The following KIAA0319L variants were observed in gnomAD, a reference collection of about 807,000 sequenced individuals.
The protein encoded by KIAA0319L is KIAA0319 like.
A neutral mutation model predicts 120.1 loss-of-function variants in KIAA0319L; 55 were observed. The ratio of observed to expected loss-of-function variants is 0.46; its 90% CI spans 0.37 to 0.57. The LOEUF is 0.57. Among genes scored for constraint, KIAA0319L ranks in the 20% least tolerant of loss-of-function variants. The pLI is 0.00. For synonymous variants in KIAA0319L, 398 were observed against 471.9 expected (o/e 0.84, Z 2.03); for missense variants, 1,049 against 1,255.3 (o/e 0.84, Z 2.48).
At chr1:35,502,809 C>T (rs560650173) in intron 3 of KIAA0319L, among the ~76,000 whole-genome samples, 44 of 152,288 alleles carry the variant, frequency 2.9e-4, no homozygotes, top group African/African-American at 1.0e-3. Flanking sequence ...CTTTCTCATA[C>T]TATCTCTCAT....
chr1:35,449,950 T>C lies in KIAA0319L; in HGVS notation c.2270A>G (p.Glu757Gly), dbSNP rs527801691. 1.2e-6 allele frequency: 2 copies of C among 1,614,192 alleles called. No homozygotes were observed. Among genetic ancestry groups the C allele is most frequent in the South Asian group, 2.2e-5 (2 of 91,086 alleles). Residue 757 changes from glutamate (E) to glycine (G), a missense_variant, in exon 15 of 21, where the codon GAG (glutamate) becomes GGG (glycine). Physicochemically the swap from Glu to Gly is moderately conservative, Grantham distance 98. Transcript: ENST00000325722. The stretch of plus-strand genomic sequence containing the variant: ...TTTCAGGTGAAAAGTGTAGGTTCCC[T>C]CAACCAGGTTTGAAAGAAAAAGGAT... ...HPILFLSNLVEGTYTFHLKVT... is the reference protein window; with the variant it reads ...HPILFLSNLVGGTYTFHLKVT...
In KIAA0319L at chr1:35,526,410, T is replaced by TATAC. The variant is rs1491411192; in HGVS notation, c.143-19276_143-19275insGTAT. Among the ~76,000 whole-genome samples the TATAC allele has an allele frequency of 4.8e-4, 66 of 137,504 alleles. 3 individuals carry two copies. The highest frequency in any genetic ancestry group is 2.0e-3 in the East Asian group (9 of 4,510). 90.2% of individuals were successfully genotyped at this position (137,504 alleles called of 152,430 possible). On this transcript the variant is annotated intron_variant, in intron 2 of 20. Coordinates refer to ENST00000325722, the MANE Select transcript of KIAA0319L (RefSeq NM_024874.5). ...ATACATATATATATATATATATATA[T>TATAC]ACACACATACATATATATATGTATA... is the stretch of plus-strand genomic sequence containing the variant.
At chr1:35,441,212 A>G in intron 19 of KIAA0319L, 74 bp from the exon 20 acceptor site, 4 of 1,332,718 alleles carry the variant, frequency 3.0e-6, no homozygotes, top group Non-Finnish European at 4.3e-6. Flanking sequence ...CCAGATGTGC[A>G]TGCAGGGCCC....
At chr1:35,540,903 G>A (rs963898221) in intron 2 of KIAA0319L, among the ~76,000 whole-genome samples, 11 of 152,200 alleles carry the variant, frequency 7.2e-5, no homozygotes, top group Middle Eastern at 6.8e-3. Flanking sequence ...AGCTTCATGA[G>A]GGCAGAAACC....
At chr1:35,528,223 G>C (rs1646229941) in intron 2 of KIAA0319L, among the ~76,000 whole-genome samples, 1 of 152,174 alleles carries the variant, frequency 6.6e-6, no homozygotes, top group South Asian at 2.1e-4. Flanking sequence ...GAGTAGTTAG[G>C]ACTACAGGCA....
In KIAA0319L at chr1:35,451,676, CATCTTT is replaced by C. The variant is rs1642074155; in HGVS notation, c.2008_2013del (p.Lys670_Asp671del). On this transcript the variant is annotated inframe_deletion, in exon 13 of 21. Transcript: ENST00000325722. ...GAGCTCTGGCTTTGCAGGTTCCTCT[CATCTTT>C]GACAGTCAAGGTGAACACATAGGTC... 6.2e-7 allele frequency: 1 copy of C among 1,614,050 alleles called. No homozygotes were observed. Among genetic ancestry groups the C allele is most frequent in the Non-Finnish European group, 8.5e-7 (1 of 1,180,036 alleles).
rs1177572805 is a variant in KIAA0319L, at chr1:35,442,238, C to T, written c.2870+8G>A. ...CCCGAATGAATTTCAAAGGAAAATC[C>T]ATCTTACCTCTTACAACAACAGATC... On this transcript the variant is annotated splice_region_variant and intron_variant, in intron 19 of 20. Transcript: ENST00000325722. 6.2e-7 allele frequency: 1 copy of T among 1,601,226 alleles called. No homozygotes were observed. The highest frequency in any genetic ancestry group is 2.2e-5 in the East Asian group (1 of 44,788).
rs1642429408 is a variant in KIAA0319L, at chr1:35,456,068, G to A, written c.1601C>T (p.Thr534Ile). 6.2e-7 allele frequency: 1 copy of A among 1,614,060 alleles called. No homozygotes were observed. ...GNQSTDDHGI[T>I]SYEWSLSPSS... is the part of the protein sequence containing the mutation. ...TGGGCTGAGTGACCACTCATAGCTG[G>A]TGATGCCATGATCATCAGTGCTCTG... Residue 534 changes from threonine (T) to isoleucine (I), a missense_variant, in exon 10 of 21, where the codon ACC becomes ATC. Transcript: ENST00000325722.
chr1:35,526,372 CATATATATATACATACATATAT>C (rs1257523288), intron 2 of KIAA0319L, among the ~76,000 whole-genome samples: 2 of 128,232 alleles, frequency 1.6e-5, no homozygotes, highest in African/African-American at 6.3e-5. Context: ...TATATACATA[CATATATATATACATACATATAT>C]ATATATATAT....
chr1:35,456,251 C>A lies in KIAA0319L; in HGVS notation c.1428-10G>T, dbSNP rs756712000. On this transcript the variant is annotated splice_polypyrimidine_tract_variant and intron_variant, in intron 9 of 20. Transcript: ENST00000325722. ...GTCTACTACAGTCAAGCTATCAGGGCAGAGAGAGGAGTGTGATCAGGGACG... is the reference window on the plus strand; with the variant it reads ...GTCTACTACAGTCAAGCTATCAGGGAAGAGAGAGGAGTGTGATCAGGGACG... 6.6e-7 allele frequency: 1 copy of A among 1,516,006 alleles called. No homozygotes were observed. The highest frequency in any genetic ancestry group is 8.9e-7 in the Non-Finnish European group (1 of 1,117,340). The allele number at this position is 1,516,006 out of a possible 1,614,324, so 93.9% of individuals were successfully genotyped here.
At chr1:35,472,943 C>T (rs1214554153) in intron 5 of KIAA0319L, among the ~76,000 whole-genome samples, 1 of 151,322 alleles carries the variant, frequency 6.6e-6, no homozygotes, top group South Asian at 2.1e-4. Context: ...CGCCCACCAT[C>T]ACGCCTGGCT....
At chr1:35,522,108 G>A (rs1645944677) in intron 2 of KIAA0319L, among the ~76,000 whole-genome samples, 1 of 152,162 alleles carries the variant, frequency 6.6e-6, no homozygotes, top group African/African-American at 2.4e-5. Context: ...AAGGTTCAGA[G>A]CAGTATGTAT....
Position 35,554,493 on chromosome 1 carries a change from G to A in KIAA0319L, c.-2C>T. On this transcript the variant is annotated 5_prime_UTR_variant, in exon 2 of 21. Transcript: ENST00000325722. The stretch of plus-strand genomic sequence containing the variant: ...CTTGACTCCCAGCCTCTTCTCCATG[G>A]CCCTCCAGACAGGCAGAACCAGTAC... 6.2e-7 allele frequency: 1 copy of A among 1,605,090 alleles called. No homozygotes were observed. Among genetic ancestry groups the A allele is most frequent in the Non-Finnish European group, 8.5e-7 (1 of 1,177,156 alleles).
At chr1:35,440,900 G>C in intron 20 of KIAA0319L, 147 bp downstream of exon 20, 1 of 737,664 alleles carries the variant, frequency 1.4e-6, no homozygotes, top group South Asian at 1.6e-5. Context: ...GGGCAAATCT[G>C]ACCCTCAGTC....
In KIAA0319L at chr1:35,453,612, C is replaced by G. The variant is rs1198845714; in HGVS notation, c.1858G>C (p.Gly620Arg). Reference protein sequence around the residue: ...TLPVDSTTLDGSKSSDDQKII... With the variant: ...TLPVDSTTLDRSKSSDDQKII... ...TTCTGATCATCTGAGCTCTTGCTGCCATCCAGGGTTGTGCTATCCACAGGA... is the reference window on the plus strand; with the variant it reads ...TTCTGATCATCTGAGCTCTTGCTGCGATCCAGGGTTGTGCTATCCACAGGA... The change falls in exon 12 of 21, where the codon GGC becomes CGC. Residue 620 changes from glycine (G) to arginine (R), a missense_variant. Physicochemically the swap from Gly to Arg is moderately radical, Grantham distance 125. Coordinates refer to ENST00000325722, the MANE Select transcript of KIAA0319L (RefSeq NM_024874.5). The surrounding 1 kb of genome is among the most constrained non-coding windows in gnomAD (Gnocchi z 4.1). 6.2e-7 allele frequency: 1 copy of G among 1,614,026 alleles called. No homozygotes were observed. Among genetic ancestry groups the G allele is most frequent in the Non-Finnish European group, 8.5e-7 (1 of 1,179,922 alleles).
rs201646561 is a variant in KIAA0319L at position 35,457,959 on chromosome 1, G to A, written c.1428-1718C>T. Reference sequence around the variant, plus strand: ...TTTTGTTTTGTTTTTTTTCTGAGACGGAGTCTCGCTCTGTCGCCCAGGCTG... The same window carrying A: ...TTTTGTTTTGTTTTTTTTCTGAGACAGAGTCTCGCTCTGTCGCCCAGGCTG... On this transcript the variant is annotated intron_variant, in intron 9 of 20. Transcript: ENST00000325722. Among the ~76,000 whole-genome samples, 12 of 150,006 alleles carry A rather than the reference G, an allele frequency of 8.0e-5. No individual in the cohort carries two copies. In the South Asian group the frequency reaches 1.9e-3, roughly 23 times the overall value.
chr1:35,467,954 G>A (rs1442380330), intron 6 of KIAA0319L, among the ~76,000 whole-genome samples: 1 of 152,072 alleles, frequency 6.6e-6, no homozygotes, highest in African/African-American at 2.4e-5. Flanking sequence ...CTCCCAAAGT[G>A]CTGGGATTAC....
At chr1:35,513,097 T>C (rs1486214642) in intron 2 of KIAA0319L, among the ~76,000 whole-genome samples, 1 of 150,980 alleles carries the variant, frequency 6.6e-6, no homozygotes, top group African/African-American at 2.4e-5. Flanking sequence ...AAGCCTAAAA[T>C]ATTTACTATC....
chr1:35,437,187 T>C lies in KIAA0319L; in HGVS notation c.2963-2106A>G, dbSNP rs1442302698. On this transcript the variant is annotated intron_variant, in intron 20 of 20. Transcript: ENST00000325722. This position sits in a 1 kb window ranked among gnomAD's most constrained non-coding sequence, Gnocchi z 4.1. ...ATGGCTCTCCCCTCTCCCTAAGATGTCCGATGTGCTGAGCTCAGGCTCCCA... is the reference window on the plus strand; with the variant it reads ...ATGGCTCTCCCCTCTCCCTAAGATGCCCGATGTGCTGAGCTCAGGCTCCCA... 6.6e-6 allele frequency among the ~76,000 whole-genome samples: 1 copy of C among 152,160 alleles called. No homozygotes were observed. The highest frequency in any genetic ancestry group is 2.4e-5 in the African/African-American group (1 of 41,436).
Sources: gnomAD v4.1 joint callset for allele counts (sites outside exome capture counted in the v4.1 genomes callset) on GRCh38, gnomAD v4.1.1 for gene constraint, Gnocchi (gnomAD v3.1) non-coding constraint, MANE v1.5 for transcripts, NCBI Gene and HGNC (gene_info 2026-07-23, HGNC 2026-07-21) for gene names.